The following RSF1 variants were observed in gnomAD, a reference collection of about 807,000 sequenced individuals.
RSF1 encodes the protein HBV pX-associated protein 8.
RSF1 carries 13 observed loss-of-function variants against 145.2 expected under a neutral mutation model. The ratio of observed to expected loss-of-function variants is 0.09; its 90% CI spans 0.06 to 0.14. The LOEUF (loss-of-function observed/expected upper bound fraction) is 0.14, where lower values mean the gene tolerates loss of function less well. Among genes scored for constraint, RSF1 ranks in the 10% least tolerant of loss-of-function variants. RSF1 has a pLI of 1.00. For synonymous variants in RSF1, 577 were observed against 592.6 expected (o/e 0.97, Z 0.38); for missense variants, 1,517 against 1,718.2 (o/e 0.88, Z 2.07).
At chr11:77,855,444 C>G in the RSF1 span, 1 of 177,702 alleles carries the variant, frequency 5.6e-6, no homozygotes, top group South Asian at 1.1e-4. Context: ...CTCAGCCTCC[C>G]AAGTAGCTGG....
At chr11:77,834,756 G>C in the RSF1 span, among the ~76,000 whole-genome samples, 2 of 152,068 alleles carry the variant, frequency 1.3e-5, no homozygotes, top group Non-Finnish European at 2.9e-5. Context: ...GCTAGGAAAA[G>C]ACTGAATAAG....
Position 77,740,907 on chromosome 11 carries a change from A to G in RSF1, c.402T>C (p.Asn134=), listed in dbSNP as rs1166554117. ...CATTAATAATATTCTTGAATTTGAG[A>G]TTGTCATCAAACTGACACTCACAGA... ...KYLCECQFDD[N]LKFKNIINEE... The change falls in exon 4 of 16, where the codon AAT becomes AAC. Residue 134 remains asparagine, a synonymous_variant. Transcript: ENST00000308488. 4 of 1,613,790 alleles carry G rather than the reference A, an allele frequency of 2.5e-6. No individual in the cohort carries two copies. Among genetic ancestry groups the G allele is most frequent in the Non-Finnish European group, 2.5e-6 (3 of 1,179,902 alleles).
chr11:77,744,127 C>T (rs2135914739), intron 3 of RSF1, among the ~76,000 whole-genome samples: 1 of 152,242 alleles, frequency 6.6e-6, no homozygotes, highest in East Asian at 1.9e-4. Context: ...CTCCCGAGCT[C>T]AAGCAATTCT....
chr11:77,671,268 T>C (rs1959541854), intron 15 of RSF1, among the ~76,000 whole-genome samples: 1 of 147,706 alleles, frequency 6.8e-6, no homozygotes, highest in Admixed American at 6.8e-5. Flanking sequence ...AAGAAATTCA[T>C]ATTTTAGAGC....
At chr11:77,814,186 C>T (rs888801340) in intron 1 of RSF1, among the ~76,000 whole-genome samples, 6 of 123,488 alleles carry the variant, frequency 4.9e-5, no homozygotes, top group East Asian at 2.5e-4. Context: ...GGCCACAGAG[C>T]GAGACTGTCT....
rs371055212 is a variant in RSF1 at position 77,667,236 on chromosome 11, C to T, written c.4007G>A (p.Ser1336Asn). 7 of 1,614,062 alleles carry T rather than the reference C, an allele frequency of 4.3e-6. No homozygotes were observed. The South Asian group carries it at 5.5e-5, about 13-fold the overall frequency. ...TTCTATCCGGTAGGGCTTCTTGGTG[C>T]TCTCTTGTTCTGAGGGCAGGACCCT... The part of the protein sequence containing the change: ...QPRVLPSEQE[S>N]TKKPYRIESD... The change falls in exon 16 of 16, where the codon AGC becomes AAC. Residue 1336 changes from serine to asparagine, a missense_variant. Transcript: ENST00000308488.
At chr11:77,694,868 G>T (rs956626292) in intron 7 of RSF1, among the ~76,000 whole-genome samples, 16 of 152,200 alleles carry the variant, frequency 1.1e-4, no homozygotes, top group African/African-American at 3.6e-4. Flanking sequence ...ATATTAGTCA[G>T]ATATTTTTGG....
intron 7 of RSF1, among the ~76,000 whole-genome samples, chr11:77,693,836 G>A (rs1247367868): frequency 6.6e-6 from 1 of 151,368 alleles, no homozygotes; most frequent in African/African-American, 2.4e-5. Flanking sequence ...CCAGGCAGGA[G>A]TGCAGTGGCA....
chr11:77,676,958 G>A lies in RSF1; in HGVS notation c.3175C>T (p.Arg1059Cys), dbSNP rs1387777614. ...GKDISTITGHRGKDISTILDE... is the reference protein window; with the variant it reads ...GKDISTITGHCGKDISTILDE... ...AAAATAGTAGAGATGTCTTTCCCAC[G>A]ATGACCTGTGATGGTGGAGATATCT... The change falls in exon 13 of 16, where the codon CGT becomes TGT. Residue 1059 changes from arginine (R) to cysteine (C), a missense_variant. Arg to Cys is a radical substitution (Grantham distance 180). Around this residue, in one of 12 missense-constraint regions of RSF1, gnomAD observed 231 missense variants for 276.6 expected, o/e 0.84. Transcript: ENST00000308488. 3.4e-6 allele frequency: 5 copies of A among 1,480,380 alleles called. No homozygotes were observed. Among genetic ancestry groups the A allele is most frequent in the Non-Finnish European group, 4.6e-6 (5 of 1,095,316 alleles). 91.7% of individuals were successfully genotyped at this position (1,480,380 alleles called of 1,614,324 possible).
At chr11:77,863,134 C>G in the RSF1 span, among the ~76,000 whole-genome samples, 2 of 152,094 alleles carry the variant, frequency 1.3e-5, no homozygotes, top group African/African-American at 2.4e-5. Flanking sequence ...GTGTTATAGC[C>G]CTATCAGAAG....
chr11:77,699,137 T>G (rs775499922), intron 6 of RSF1, among the ~76,000 whole-genome samples: 2 of 152,230 alleles, frequency 1.3e-5, no homozygotes, highest in Non-Finnish European at 2.9e-5. Context: ...TCAAAGGTCA[T>G]GCACATTTTA....
chr11:77,804,519 A>G (rs1179263240), intron 1 of RSF1, among the ~76,000 whole-genome samples: 1 of 152,192 alleles, frequency 6.6e-6, no homozygotes, highest in Non-Finnish European at 1.5e-5. Flanking sequence ...ATAATATTAC[A>G]GGTCTATATA....
At chr11:77,835,810 A>G in the RSF1 span, among the ~76,000 whole-genome samples, 14 of 152,294 alleles carry the variant, frequency 9.2e-5, no homozygotes, top group Middle Eastern at 6.8e-3. Flanking sequence ...AATCCCAGCT[A>G]CAAGGGTGGC....
chr11:77,698,479 G>C lies in RSF1; in HGVS notation c.2715+8C>G. ...TATGAGTATTCTTCATTTACATCAG[G>C]TACATACTAGCTCAGGATGGTTTGG... On this transcript the variant is annotated splice_region_variant and intron_variant, in intron 7 of 15. Coordinates refer to ENST00000308488, the MANE Select transcript of RSF1 (RefSeq NM_016578.4). The C allele has an allele frequency of 6.2e-7, 1 of 1,611,544 alleles. No individual in the cohort carries two copies. Among genetic ancestry groups the C allele is most frequent in the Non-Finnish European group, 8.5e-7 (1 of 1,177,824 alleles).
At chr11:77,774,570 CAAAAAATAAATAAATA>C (rs1028352560) in intron 1 of RSF1, among the ~76,000 whole-genome samples, 11 of 119,386 alleles carry the variant, frequency 9.2e-5, no homozygotes, top group African/African-American at 2.7e-4. Flanking sequence ...GACTCTGTCT[CAAAAAATAAATAAATA>C]AATAAATAAA....
At chr11:77,673,782 G>C (rs1214386370) in intron 14 of RSF1, among the ~76,000 whole-genome samples, 1 of 152,148 alleles carries the variant, frequency 6.6e-6, no homozygotes, top group Admixed American at 6.6e-5. Flanking sequence ...CATTCTCTGT[G>C]CTATTCCCAC....
chr11:77,824,334 G>A (rs1035883389), upstream of RSF1, among the ~76,000 whole-genome samples: 2 of 152,236 alleles, frequency 1.3e-5, no homozygotes, highest in Non-Finnish European at 2.9e-5. Context: ...CTACTGCCAT[G>A]AAGAGGCCTT....
intron 7 of RSF1, among the ~76,000 whole-genome samples, chr11:77,695,775 C>A (rs1960263902): frequency 6.6e-6 from 1 of 152,182 alleles, no homozygotes; most frequent in African/African-American, 2.4e-5. Flanking sequence ...CTTTTAATCT[C>A]TCTCAGAGGA....
intron 5 of RSF1, among the ~76,000 whole-genome samples, chr11:77,721,164 C>G (rs1446637539): frequency 3.9e-5 from 6 of 152,098 alleles, no homozygotes; most frequent in African/African-American, 1.4e-4. Flanking sequence ...TCTTGCTGCC[C>G]AATTTGCAAA....
Sources: allele counts gnomAD v4.1 joint callset (sites outside exome capture counted in the v4.1 genomes callset), GRCh38; gene constraint gnomAD v4.1.1; regional missense constraint gnomAD v4.1.1; transcripts MANE v1.5; gene names NCBI Gene and HGNC (gene_info 2026-07-23, HGNC 2026-07-21).